Variants in PARD3B observed in about 807,000 individuals in gnomAD.
PARD3B encodes the protein partitioning defective 3 homolog B.
In PARD3B, 103 loss-of-function variants were observed where a neutral mutation model predicts 130.2. The ratio of observed to expected loss-of-function variants is 0.79; its 90% confidence interval spans 0.67 to 0.93. The LOEUF is 0.93. Among genes scored for constraint, PARD3B ranks in the 40% least tolerant of loss-of-function variants. The pLI, the probability that PARD3B is intolerant of heterozygous loss-of-function variation, is 0.00. For synonymous variants in PARD3B, 583 were observed against 553.2 expected (o/e 1.05, Z -0.76); for missense variants, 1,609 against 1,499.2 (o/e 1.07, Z -1.21).
intron 18 of PARD3B, among the ~76,000 whole-genome samples, chr2:205,369,491 C>T (rs755795685): frequency 4.6e-5 from 7 of 152,198 alleles, no homozygotes; most frequent in East Asian, 1.9e-4. Flanking sequence ...AAACAGCCTA[C>T]GGGCGCCTTC....
At chr2:204,601,450 AC>A (rs2033509130) in intron 1 of PARD3B, among the ~76,000 whole-genome samples, 1 of 151,944 alleles carries the variant, frequency 6.6e-6, no homozygotes. Flanking sequence ...TAATTGTGAA[AC>A]CTTATTAGAA....
chr2:205,533,399 A>G (rs1156231555), intron 21 of PARD3B, among the ~76,000 whole-genome samples: 1 of 152,168 alleles, frequency 6.6e-6, no homozygotes, highest in African/African-American at 2.4e-5. Flanking sequence ...TTATTCTCCT[A>G]TCCACCAGAT....
At chr2:204,989,470 G>GAATT (rs1308820037) in intron 3 of PARD3B, among the ~76,000 whole-genome samples, 3 of 152,134 alleles carry the variant, frequency 2.0e-5, no homozygotes, top group Non-Finnish European at 2.9e-5. Context: ...TTCTAAAACT[G>GAATT]TGGTATGTAT....
rs181693978 is a variant in PARD3B, at chr2:205,155,734, C to T, written c.1435-2988C>T. ...TTGTTTCCTGACTTTTTAATGATTG[C>T]CATTCTAACTGGTGTGAGATGGTAT... is the stretch of plus-strand genomic sequence containing the variant. On this transcript the variant is annotated intron_variant, in intron 10 of 22. Transcript: ENST00000406610. 3.6e-3 allele frequency among the ~76,000 whole-genome samples: 549 copies of T among 152,190 alleles called. 3 individuals carry two copies. Among genetic ancestry groups the T allele is most frequent in the African/African-American group, 0.011 (477 of 41,534 alleles).
chr2:205,147,274 T>A (rs547557949), intron 10 of PARD3B, among the ~76,000 whole-genome samples: 2 of 152,336 alleles, frequency 1.3e-5, no homozygotes, highest in East Asian at 3.9e-4. Flanking sequence ...AGAAAAAACT[T>A]CCTTGTGTCA....
intron 16 of PARD3B, among the ~76,000 whole-genome samples, chr2:205,289,585 G>A (rs1432038430): frequency 6.6e-6 from 1 of 152,160 alleles, no homozygotes; most frequent in Non-Finnish European, 1.5e-5. Context: ...AACTGCTATG[G>A]TTGAGTGTGT....
intron 3 of PARD3B, among the ~76,000 whole-genome samples, chr2:204,974,252 ATTTTC>A (rs957055324): frequency 9.9e-5 from 15 of 151,852 alleles, no homozygotes; most frequent in African/African-American, 3.6e-4. Flanking sequence ...GGTACATCTT[ATTTTC>A]TTTATTTTCT....
chr2:204,785,956 T>C (rs2041994812), intron 2 of PARD3B, among the ~76,000 whole-genome samples: 1 of 150,868 alleles, frequency 6.6e-6, no homozygotes. Context: ...CTACTAAAAA[T>C]ACAAAAAAAT....
rs575783026 is a variant in PARD3B at position 204,811,913 on chromosome 2, G to A, written c.222+125631G>A. On this transcript the variant is annotated intron_variant, in intron 2 of 22. Coordinates refer to ENST00000406610, the MANE Select transcript of PARD3B (RefSeq NM_001302769.2). The stretch of plus-strand genomic sequence containing the variant: ...GGCTTTTTTAGAAACATTTGGCCTG[G>A]CAATGTTTGTTTTATTTAAGTACTT... Among the ~76,000 whole-genome samples the A allele has an allele frequency of 1.1e-3, 172 of 151,924 alleles. 1 individual carries two copies. The highest frequency in any genetic ancestry group is 4.0e-3 in the African/African-American group (164 of 41,374).
At chr2:205,242,337 A>T (rs1359080777) in intron 15 of PARD3B, among the ~76,000 whole-genome samples, 3 of 152,254 alleles carry the variant, frequency 2.0e-5, no homozygotes, top group African/African-American at 7.2e-5. Flanking sequence ...AGTTAAGAAG[A>T]TAATTTGTTA....
At chr2:204,686,759 T>A (rs2037106515) in intron 2 of PARD3B, among the ~76,000 whole-genome samples, 1 of 152,192 alleles carries the variant, frequency 6.6e-6, no homozygotes, top group African/African-American at 2.4e-5. Context: ...TTTTCACTGC[T>A]ACAGTAAAAG....
At chr2:204,848,739 C>G (rs894044288) in intron 2 of PARD3B, among the ~76,000 whole-genome samples, 2 of 151,590 alleles carry the variant, frequency 1.3e-5, no homozygotes, top group Non-Finnish European at 2.9e-5. Context: ...AAAATAAAGT[C>G]TGTATTCTTA....
intron 1 of PARD3B, among the ~76,000 whole-genome samples, chr2:204,632,489 A>G (rs1266823427): frequency 6.6e-6 from 1 of 151,812 alleles, no homozygotes; most frequent in African/African-American, 2.4e-5. Flanking sequence ...GTGGTTTTTT[A>G]AATTGTTGTT....
At chr2:205,507,075 C>T (rs2050394912) in intron 21 of PARD3B, among the ~76,000 whole-genome samples, 1 of 152,068 alleles carries the variant, frequency 6.6e-6, no homozygotes, top group African/African-American at 2.4e-5. Context: ...GAGATAGTCT[C>T]TCTGTAGATC....
intron 20 of PARD3B, among the ~76,000 whole-genome samples, chr2:205,493,725 T>C (rs1242693362): frequency 2.6e-3 from 15 of 5,754 alleles, no homozygotes; most frequent in African/African-American, 3.1e-3. Context: ...TTTATGTATG[T>C]ATTTATTTAT....
chr2:205,076,923 C>A (rs1196585935), intron 4 of PARD3B, among the ~76,000 whole-genome samples: 1 of 152,120 alleles, frequency 6.6e-6, no homozygotes, highest in Non-Finnish European at 1.5e-5. Flanking sequence ...ATTAAATATT[C>A]TGAGTAAACT....
In PARD3B at chr2:205,230,163, G is replaced by A. The variant is rs920818066; in HGVS notation, c.2141-15615G>A. On this transcript the variant is annotated intron_variant, in intron 15 of 22. Transcript: ENST00000406610. This position sits in a 1 kb window ranked among gnomAD's most constrained non-coding sequence, Gnocchi z 4.1. ...CACTACGGCTGAGCTGGTACCTAAG[G>A]TGCAAGACCAAGTCCCTCTCCTTTT... Among the ~76,000 whole-genome samples, 13 of 152,038 alleles carry A rather than the reference G, an allele frequency of 8.6e-5. No homozygotes were observed. Among genetic ancestry groups the A allele is most frequent in the African/African-American group, 3.1e-4 (13 of 41,464 alleles).
chr2:205,229,223 G>C lies in PARD3B; in HGVS notation c.2141-16555G>C, dbSNP rs1255867543. 6.6e-6 allele frequency among the ~76,000 whole-genome samples: 1 copy of C among 152,208 alleles called. No individual in the cohort carries two copies. Among genetic ancestry groups the C allele is most frequent in the African/African-American group, 2.4e-5 (1 of 41,456 alleles). Reference sequence around the variant, plus strand: ...TTAGGTATTTATTGTAGTCTTTGCAGTCTGGGCTTGTTGTACCCATCCTTC... The same window carrying C: ...TTAGGTATTTATTGTAGTCTTTGCACTCTGGGCTTGTTGTACCCATCCTTC... On this transcript the variant is annotated intron_variant, in intron 15 of 22. Coordinates refer to ENST00000406610, the MANE Select transcript of PARD3B (RefSeq NM_001302769.2). This position sits in a 1 kb window ranked among gnomAD's most constrained non-coding sequence, Gnocchi z 5.2.
In PARD3B at chr2:205,241,380, CTAAG is replaced by C. The variant is rs748106531; in HGVS notation, c.2141-4395_2141-4392del. On this transcript the variant is annotated intron_variant, in intron 15 of 22. Coordinates refer to ENST00000406610, the MANE Select transcript of PARD3B (RefSeq NM_001302769.2). This position sits in a 1 kb window ranked among gnomAD's most constrained non-coding sequence, Gnocchi z 4.2. Reference sequence around the variant, plus strand: ...AAGAGGAGGCAGTCCATGGTACTCTCTAAGTATGTAATAATGGTTATAATAAAAT... The same window carrying C: ...AAGAGGAGGCAGTCCATGGTACTCTCTATGTAATAATGGTTATAATAAAAT... Among the ~76,000 whole-genome samples the C allele has an allele frequency of 2.0e-5, 3 of 152,090 alleles. No homozygotes were observed. The highest frequency in any genetic ancestry group is 4.4e-5 in the Non-Finnish European group (3 of 67,992).
Sources: gnomAD v4.1 joint callset for allele counts (sites outside exome capture counted in the v4.1 genomes callset) on GRCh38, gnomAD v4.1.1 for gene constraint, Gnocchi (gnomAD v3.1) non-coding constraint, MANE v1.5 for transcripts, NCBI Gene and HGNC (gene_info 2026-07-23, HGNC 2026-07-21) for gene names.